The following CNTN3 variants were observed in gnomAD, a reference collection of about 807,000 sequenced individuals.
The protein encoded by CNTN3 is contactin 3.
CNTN3 carries 60 observed loss-of-function variants against 119.1 expected under a neutral mutation model. That is an observed-to-expected ratio of 0.50 (90% CI 0.41 to 0.62). The LOEUF (loss-of-function observed/expected upper bound fraction) is 0.62. Among genes scored for constraint, CNTN3 ranks in the 20% least tolerant of loss-of-function variants. CNTN3 has a pLI of 0.00. For synonymous variants in CNTN3, 450 were observed against 438.7 expected (o/e 1.03, Z -0.32); for missense variants, 1,101 against 1,242.4 (o/e 0.89, Z 1.71).
intron 13 of CNTN3, among the ~76,000 whole-genome samples, chr3:74,308,850 A>G (rs924356791): frequency 6.6e-6 from 1 of 152,194 alleles, no homozygotes; most frequent in Non-Finnish European, 1.5e-5. Context: ...GAATTGACAT[A>G]TAAAATGTAT....
intron 8 of CNTN3, 72 bp from the exon 9 acceptor site, chr3:74,365,774 T>C: frequency 6.7e-7 from 1 of 1,499,608 alleles, no homozygotes; most frequent in Non-Finnish European, 9.0e-7. Context: ...TATTATTTTA[T>C]TATCTTACCT....
chr3:74,503,231 T>A (rs1238598182), intron 2 of CNTN3, among the ~76,000 whole-genome samples: 1 of 152,078 alleles, frequency 6.6e-6, no homozygotes, highest in African/African-American at 2.4e-5. Context: ...CTGTTCTCAA[T>A]ATGGTCAGAG....
intron 4 of CNTN3, among the ~76,000 whole-genome samples, chr3:74,451,780 C>G (rs1339013697): frequency 6.6e-6 from 1 of 150,828 alleles, no homozygotes; most frequent in Non-Finnish European, 1.5e-5. Flanking sequence ...GAATCCTTTC[C>G]CCATTGCTTG....
intron 1 of CNTN3, among the ~76,000 whole-genome samples, chr3:74,568,900 T>A (rs1056292523): frequency 6.6e-6 from 1 of 152,170 alleles, no homozygotes; most frequent in Non-Finnish European, 1.5e-5. Flanking sequence ...TCTAAGTTGG[T>A]GAAACAAATG....
intron 1 of CNTN3, among the ~76,000 whole-genome samples, chr3:74,570,378 G>T (rs1704293793): frequency 6.6e-6 from 1 of 152,050 alleles, no homozygotes; most frequent in Non-Finnish European, 1.5e-5. Flanking sequence ...TCTTACTACA[G>T]AGAGTATTCT....
At chr3:74,605,455 G>A (rs1301309234) in intron 1 of CNTN3, among the ~76,000 whole-genome samples, 1 of 152,084 alleles carries the variant, frequency 6.6e-6, no homozygotes, top group Non-Finnish European at 1.5e-5. Context: ...GTTTGTGTGT[G>A]TTATTGCTGC....
At chr3:74,575,173 C>A (rs576095654) in intron 1 of CNTN3, among the ~76,000 whole-genome samples, 3 of 152,112 alleles carry the variant, frequency 2.0e-5, no homozygotes, top group African/African-American at 7.2e-5. Flanking sequence ...AATCCTCTCA[C>A]CTCAGTCTCC....
Position 74,295,237 on chromosome 3 carries a change from C to CT in CNTN3, c.2402-2dup. The CT allele has an allele frequency of 6.5e-7, 1 of 1,544,326 alleles. No individual in the cohort carries two copies. Among genetic ancestry groups the CT allele is most frequent in the Non-Finnish European group, 8.9e-7 (1 of 1,121,790 alleles). On this transcript the variant is annotated splice_acceptor_variant, in intron 18 of 22. Coordinates refer to ENST00000263665, the MANE Select transcript of CNTN3 (RefSeq NM_020872.3). LOFTEE classifies it high-confidence loss of function. ...ACTTGAGATGGGGCCACTGTAGGCT[C>CT]TGTTCGGAAACAGAAATTGAAATAT...
At chr3:74,467,505 A>G (rs1702486392) in intron 4 of CNTN3, among the ~76,000 whole-genome samples, 1 of 152,182 alleles carries the variant, frequency 6.6e-6, no homozygotes, top group Non-Finnish European at 1.5e-5. Context: ...CCAGGACTCA[A>G]TTAAATAGAT....
intron 4 of CNTN3, among the ~76,000 whole-genome samples, chr3:74,439,077 G>A (rs1163962659): frequency 6.6e-6 from 1 of 152,044 alleles, no homozygotes; most frequent in African/African-American, 2.4e-5. Flanking sequence ...AGCTAATTAG[G>A]TTAATTAGCT....
At chr3:74,458,560 G>C (rs546749823) in intron 4 of CNTN3, among the ~76,000 whole-genome samples, 15 of 152,082 alleles carry the variant, frequency 9.9e-5, no homozygotes, top group Non-Finnish European at 2.1e-4. Context: ...CAGTAGCTAT[G>C]AGACCATATG....
At chr3:74,482,149 G>A (rs1192237274) in intron 4 of CNTN3, among the ~76,000 whole-genome samples, 1 of 151,852 alleles carries the variant, frequency 6.6e-6, no homozygotes, top group Non-Finnish European at 1.5e-5. Flanking sequence ...CACTTTTAGA[G>A]GTGAAAATAA....
intron 1 of CNTN3, among the ~76,000 whole-genome samples, chr3:74,603,933 A>T (rs1704951469): frequency 6.6e-6 from 1 of 152,180 alleles, no homozygotes. Flanking sequence ...AAAGCACAGC[A>T]ATCAAAACAG....
At chr3:74,317,491 AT>A (rs1372621358) in intron 13 of CNTN3, among the ~76,000 whole-genome samples, 18 of 151,932 alleles carry the variant, frequency 1.2e-4, no homozygotes, top group Non-Finnish European at 2.2e-4. Flanking sequence ...GTTCCTTTCC[AT>A]GTTTAGTGCT....
chr3:74,266,743 T>C, intron 21 of CNTN3, 94 bp from the exon 22 acceptor site: 1 of 1,086,952 alleles, frequency 9.2e-7, no homozygotes, highest in South Asian at 1.4e-5. Context: ...AATTTTGTCC[T>C]TCTATATCCA....
At chr3:74,348,192 C>A (rs908787664) in intron 11 of CNTN3, among the ~76,000 whole-genome samples, 6 of 152,158 alleles carry the variant, frequency 3.9e-5, no homozygotes, top group African/African-American at 1.4e-4. Context: ...TCTCAACACA[C>A]ACACACACAC....
At chr3:74,442,071 C>T (rs748405295) in intron 4 of CNTN3, among the ~76,000 whole-genome samples, 25 of 151,650 alleles carry the variant, frequency 1.6e-4, no homozygotes, top group Non-Finnish European at 3.2e-4. Flanking sequence ...CTTCTGAAAC[C>T]TCCCCTTGAT....
At chr3:74,349,993 G>A (rs1189764552) in intron 11 of CNTN3, among the ~76,000 whole-genome samples, 3 of 152,140 alleles carry the variant, frequency 2.0e-5, no homozygotes, top group Admixed American at 6.5e-5. Context: ...CAACACTGAC[G>A]AAATATATTT....
intron 12 of CNTN3, among the ~76,000 whole-genome samples, chr3:74,335,490 G>A (rs1181028277): frequency 1.3e-5 from 2 of 152,020 alleles, no homozygotes; most frequent in Non-Finnish European, 2.9e-5. Context: ...TGTCTATCAT[G>A]AATTAAAATT....
Sources: allele counts gnomAD v4.1 joint callset (sites outside exome capture counted in the v4.1 genomes callset), GRCh38; gene constraint gnomAD v4.1.1; transcripts MANE v1.5; gene names NCBI Gene and HGNC (gene_info 2026-07-23, HGNC 2026-07-21).